SPINK2: variants seen among roughly 807,000 people sequenced by gnomAD.
SPINK2 encodes the protein serine peptidase inhibitor Kazal type 2, also known as serine protease inhibitor Kazal-type 2.
A neutral mutation model predicts 13.5 loss-of-function variants in SPINK2; 8 were observed. The observed-to-expected ratio is 0.59, with a 90% CI of 0.35 to 1.07. The LOEUF (loss-of-function observed/expected upper bound fraction) is 1.07. SPINK2 is among the 50% of genes least tolerant of loss of function. The pLI is 0.02. For missense variants in SPINK2, 148 were observed against 180.3 expected (o/e 0.82, Z 1.03); for synonymous variants, 76 against 74.7 (o/e 1.02, Z -0.09).
At position 56,809,975 on chromosome 4, in the gene SPINK2, T is replaced by G. The variant is rs1159136991; in HGVS notation, c.*164A>C. 2 of 1,476,640 alleles carry G rather than the reference T, an allele frequency of 1.4e-6. No individual in the cohort carries two copies. The highest frequency in any genetic ancestry group is 1.8e-4 in the Middle Eastern group (1 of 5,712). 91.5% of individuals were successfully genotyped at this position (1,476,640 alleles called of 1,614,324 possible). The stretch of plus-strand genomic sequence containing the variant: ...AACAAGGATTCTTTTTTTCTTTAAA[T>G]TATCCATCACTACACATGGCTGTCT... On this transcript the variant is annotated 3_prime_UTR_variant, in exon 4 of 4. Transcript: ENST00000506738.
At chr4:56,810,338 C>CA (rs1471451037) in intron 3 of SPINK2, 154 bp from the exon 4 acceptor site, 1 of 706,092 alleles carries the variant, frequency 1.4e-6, no homozygotes, top group African/African-American at 1.8e-5. Flanking sequence ...ATCTAGGAAA[C>CA]AAAGAGGGTG....
intron 2 of SPINK2, among the ~76,000 whole-genome samples, chr4:56,819,225 G>C (rs1717716790): frequency 6.6e-6 from 1 of 152,212 alleles, no homozygotes; most frequent in African/African-American, 2.4e-5. Context: ...GAGAAAGTGT[G>C]TGTGTATACA....
intron 2 of SPINK2, among the ~76,000 whole-genome samples, chr4:56,814,303 A>G (rs926922696): frequency 1.3e-5 from 2 of 151,976 alleles, no homozygotes; most frequent in African/African-American, 4.8e-5. Flanking sequence ...CAGTCCATGG[A>G]AAAATTGTCT....
chr4:56,811,934 T>TTTA, intron 2 of SPINK2, 140 bp from the exon 3 acceptor site: 2 of 331,646 alleles, frequency 6.0e-6, no homozygotes, highest in Non-Finnish European at 1.0e-5. Flanking sequence ...AGAAAAATTT[T>TTTA]TTCTTTTTTT....
intron 2 of SPINK2, among the ~76,000 whole-genome samples, chr4:56,815,972 CTG>C (rs1054675620): frequency 2.0e-5 from 3 of 151,942 alleles, no homozygotes; most frequent in Admixed American, 2.0e-4. Flanking sequence ...GTGTGGTGAC[CTG>C]TGTGTGTAGT....
intron 2 of SPINK2, among the ~76,000 whole-genome samples, chr4:56,818,613 G>C (rs1464212392): frequency 2.0e-5 from 3 of 152,036 alleles, no homozygotes; most frequent in African/African-American, 7.2e-5. Context: ...AGTGAGCAGA[G>C]ATCTCGCCAC....
In SPINK2 at chr4:56,810,116, C is replaced by T. The variant is rs1026788651; in HGVS notation, c.*23G>A. The T allele has an allele frequency of 3.1e-6, 5 of 1,599,768 alleles. No homozygotes were observed. The Admixed American group carries it at 5.2e-5, about 17-fold the overall frequency. On this transcript the variant is annotated 3_prime_UTR_variant, in exon 4 of 4. Transcript: ENST00000506738. ...CTGCCAGTGAAGGTGGTCTCTCCAT[C>T]TTCTTTTCTGTAAACTGCTCCATCA...
At chr4:56,818,244 A>G (rs1350585227) in intron 2 of SPINK2, 2 of 152,188 alleles carry the variant, frequency 1.3e-5, no homozygotes, top group African/African-American at 2.4e-5. Context: ...GAAGCAGTGG[A>G]ATAGAAAAGG....
Position 56,821,696 on chromosome 4 carries a change from T to TCTGTTAC in SPINK2, c.-35_-34insGTAACAG. 6 of 1,456,244 alleles carry TCTGTTAC rather than the reference T, an allele frequency of 4.1e-6. No homozygotes were observed. The highest frequency in any genetic ancestry group is 5.4e-6 in the Non-Finnish European group (6 of 1,109,786). 90.2% of individuals were successfully genotyped at this position (1,456,244 alleles called of 1,614,324 possible). On this transcript the variant is annotated 5_prime_UTR_variant, in exon 1 of 4. Coordinates refer to ENST00000506738, the MANE Select transcript of SPINK2 (RefSeq NM_001271718.2). ...CGCGCCGGCTGTCTTGCCCCTGCGG[T>TCTGTTAC]CTGTTACCTGCGCCACTCGCAGGGA...
rs912192002 is a variant in SPINK2 at position 56,809,861 on chromosome 4, T to C, written c.*278A>G. On this transcript the variant is annotated 3_prime_UTR_variant, in exon 4 of 4. Transcript: ENST00000506738. ...ATTTTCAACAGAGAACAGTAGGAAC[T>C]GAATTCAATGCTGATTTTATTTCAA... 13 of 725,782 alleles carry C rather than the reference T, an allele frequency of 1.8e-5. No individual in the cohort carries two copies. In the African/African-American group the frequency reaches 2.4e-4, roughly 13 times the overall value. The allele number at this position is 725,782 out of a possible 1,614,324, so 45.0% of individuals were successfully genotyped here.
At chr4:56,814,069 A>ACCC (rs1717227605) in intron 2 of SPINK2, among the ~76,000 whole-genome samples, 1 of 151,276 alleles carries the variant, frequency 6.6e-6, no homozygotes, top group South Asian at 2.1e-4. Flanking sequence ...GATTAAAGGC[A>ACCC]CCCACCACCA....
intron 2 of SPINK2, among the ~76,000 whole-genome samples, chr4:56,815,622 C>T (rs1423526932): frequency 2.0e-5 from 3 of 152,014 alleles, no homozygotes; most frequent in Admixed American, 6.6e-5. Context: ...ATCGCTTGAA[C>T]CTGGGAAGCG....
intron 2 of SPINK2, among the ~76,000 whole-genome samples, chr4:56,816,909 A>C (rs185351506): frequency 6.6e-6 from 1 of 151,536 alleles, no homozygotes; most frequent in Non-Finnish European, 1.5e-5. Context: ...ATAAAAAAAT[A>C]AAACATCTAG....
intron 2 of SPINK2, among the ~76,000 whole-genome samples, chr4:56,812,835 G>A (rs1331687616): frequency 6.6e-6 from 1 of 152,104 alleles, no homozygotes; most frequent in Non-Finnish European, 1.5e-5. Flanking sequence ...AGGAAATTGA[G>A]AATTGAAGCA....
chr4:56,818,228 T>TC (rs1345688152), intron 2 of SPINK2: 2 of 152,080 alleles, frequency 1.3e-5, no homozygotes, highest in African/African-American at 4.8e-5. Flanking sequence ...TTAAGACTGG[T>TC]CAAGCGAAGC....
chr4:56,821,445 C>A lies in SPINK2; in HGVS notation c.205+13G>T. On this transcript the variant is annotated intron_variant, in intron 1 of 3. Transcript: ENST00000506738. The stretch of plus-strand genomic sequence containing the variant: ...AAAGCCACCCCCACAACCCCCAGTT[C>A]GCGTTCCTCCACCTGGCAGGTCCTC... 6.6e-7 allele frequency: 1 copy of A among 1,505,538 alleles called. No homozygotes were observed. The highest frequency in any genetic ancestry group is 1.3e-5 in the South Asian group (1 of 79,542). The allele number at this position is 1,505,538 out of a possible 1,614,324, so 93.3% of individuals were successfully genotyped here. A position where few individuals can be genotyped will look rare whatever the true frequency, so the allele number is the denominator to read the frequency against.
At chr4:56,816,512 C>T (rs1456180865) in intron 2 of SPINK2, among the ~76,000 whole-genome samples, 8 of 151,718 alleles carry the variant, frequency 5.3e-5, no homozygotes, top group Non-Finnish European at 8.8e-5. Flanking sequence ...ATTAGCTGGG[C>T]GTGGTGGTGG....
rs1054854113 is a variant in SPINK2, at chr4:56,821,578, C to T, written c.85G>A (p.Gly29Arg). 23 of 1,548,246 alleles carry T rather than the reference C, an allele frequency of 1.5e-5. No individual in the cohort carries two copies. Among genetic ancestry groups the T allele is most frequent in the Non-Finnish European group, 2.0e-5 (23 of 1,146,798 alleles). Reference protein sequence around the residue: ...GSARSGPGERGPPEKSGFGSQ... With the variant: ...GSARSGPGERRPPEKSGFGSQ... ...CCAAACCCGCTTTTCTCCGGAGGTC[C>T]CCGCTCGCCAGGACCGCTCCGAGCG... The change falls in exon 1 of 4, where the codon GGA (glycine) becomes AGA (arginine). Residue 29 changes from glycine (G) to arginine (R), a missense_variant. Physicochemically the swap from Gly to Arg is moderately radical, Grantham distance 125. Transcript: ENST00000506738.
intron 2 of SPINK2, among the ~76,000 whole-genome samples, chr4:56,815,250 G>C (rs780362500): frequency 6.7e-6 from 1 of 148,900 alleles, no homozygotes; most frequent in African/African-American, 2.4e-5. Context: ...CTACTCAATG[G>C]TAAAGGACTC....
Sources: gnomAD v4.1 joint callset for allele counts (sites outside exome capture counted in the v4.1 genomes callset) on GRCh38, gnomAD v4.1.1 for gene constraint, MANE v1.5 for transcripts, NCBI Gene and HGNC (gene_info 2026-07-23, HGNC 2026-07-21) for gene names.